Variants in MYO16 observed in about 807,000 individuals in gnomAD.
MYO16 encodes unconventional myosin-XVI.
A neutral mutation model predicts 205.3 loss-of-function variants in MYO16; 94 were observed. The ratio of observed to expected loss-of-function variants is 0.46; its 90% CI spans 0.39 to 0.54. MYO16 has a LOEUF of 0.54. MYO16 is among the 20% of genes least tolerant of loss of function. The probability of loss-of-function intolerance (pLI) is 0.00; values close to 1 mark genes in which losing one functional copy is unlikely to be tolerated. For missense variants in MYO16, 2,315 were observed against 2,387.5 expected (o/e 0.97, Z 0.63); for synonymous variants, 988 against 954.0 (o/e 1.04, Z -0.66).
At chr13:108,588,837 C>T in the MYO16 span, among the ~76,000 whole-genome samples, 3 of 152,258 alleles carry the variant, frequency 2.0e-5, no homozygotes, top group South Asian at 2.1e-4. Flanking sequence ...TGCCTAACCA[C>T]GATGGGCAGG....
intron 21 of MYO16, among the ~76,000 whole-genome samples, chr13:108,999,651 G>A (rs1302324802): frequency 6.6e-6 from 1 of 152,090 alleles, no homozygotes; most frequent in Non-Finnish European, 1.5e-5. Context: ...AGAATTTTGA[G>A]CATATAAACT....
At position 108,973,838 on chromosome 13, in the gene MYO16, G is replaced by C. The variant is rs140189308; in HGVS notation, c.2369+8936G>C. Among the ~76,000 whole-genome samples, 404 of 152,130 alleles carry C rather than the reference G, an allele frequency of 2.7e-3. 1 individual carries two copies. Among genetic ancestry groups the C allele is most frequent in the Non-Finnish European group, 4.6e-3 (316 of 68,004 alleles). On this transcript the variant is annotated intron_variant, in intron 20 of 34. Coordinates refer to ENST00000457511, the MANE Select transcript of MYO16 (RefSeq NM_001198950.3). ...CAATTTAATATTCTTCAGAAAAATT[G>C]TACTTCTTCATTAGGTGAGACTTGT...
chr13:109,010,883 C>T (rs979529070), intron 22 of MYO16, among the ~76,000 whole-genome samples: 5 of 149,880 alleles, frequency 3.3e-5, no homozygotes, highest in African/African-American at 1.2e-4. Flanking sequence ...CAGATGGAAC[C>T]AGTCCTTGGC....
intron 32 of MYO16, among the ~76,000 whole-genome samples, chr13:109,153,571 C>T (rs916414128): frequency 2.6e-5 from 4 of 152,052 alleles, no homozygotes; most frequent in South Asian, 4.2e-4. Context: ...TCAGCCTGGC[C>T]GACATGGTCA....
At chr13:108,538,427 T>C in the MYO16 span, among the ~76,000 whole-genome samples, 2 of 152,066 alleles carry the variant, frequency 1.3e-5, no homozygotes, top group Admixed American at 6.6e-5. Context: ...AGTGACTTCA[T>C]CAAGAGAAAT....
At chr13:108,988,250 G>A (rs1392348664) in intron 20 of MYO16, among the ~76,000 whole-genome samples, 1 of 152,252 alleles carries the variant, frequency 6.6e-6, no homozygotes, top group African/African-American at 2.4e-5. Flanking sequence ...TAGTATGGGC[G>A]TTTTGCTGGC....
At chr13:108,811,095 A>G (rs1397845067) in intron 7 of MYO16, among the ~76,000 whole-genome samples, 1 of 152,202 alleles carries the variant, frequency 6.6e-6, no homozygotes. Flanking sequence ...AGAATTGGCA[A>G]TACTACACCC....
chr13:108,714,621 T>G (rs74763571), intron 3 of MYO16, among the ~76,000 whole-genome samples: 2,844 of 140,908 alleles, frequency 0.02, 49 homozygotes, highest in East Asian at 0.065. Context: ...TGTATATATA[T>G]AGAGAGAGAG....
chr13:108,904,128 G>C (rs571755019), intron 15 of MYO16, among the ~76,000 whole-genome samples: 1 of 152,018 alleles, frequency 6.6e-6, no homozygotes, highest in Non-Finnish European at 1.5e-5. Flanking sequence ...AAAAATACCA[G>C]GCTCAGCTTT....
intron 2 of MYO16, among the ~76,000 whole-genome samples, chr13:108,685,935 G>T (rs564074534): frequency 6.6e-6 from 1 of 152,292 alleles, no homozygotes; most frequent in African/African-American, 2.4e-5. Flanking sequence ...TGACCTCAGT[G>T]AATTTTCATG....
In MYO16 at chr13:109,034,149, T is replaced by C. The variant is rs1282188799; in HGVS notation, c.2797-12767T>C. On this transcript the variant is annotated intron_variant, in intron 23 of 34. Transcript: ENST00000457511. ...CATACCTAGACAAAGTTAGAGTTGATAGATACAGACATATAAGTTAAGGCT... is the reference window on the plus strand; with the variant it reads ...CATACCTAGACAAAGTTAGAGTTGACAGATACAGACATATAAGTTAAGGCT... 2.0e-5 allele frequency among the ~76,000 whole-genome samples: 3 copies of C among 152,070 alleles called. No homozygotes were observed. In the East Asian group the frequency reaches 5.8e-4, roughly 29 times the overall value.
intron 16 of MYO16, among the ~76,000 whole-genome samples, chr13:108,914,417 T>C (rs1221783543): frequency 6.6e-6 from 1 of 152,066 alleles, no homozygotes; most frequent in African/African-American, 2.4e-5. Context: ...TATCCCACAG[T>C]GTAGCTTTTA....
At chr13:108,874,743 A>G (rs1357838242) in intron 12 of MYO16, among the ~76,000 whole-genome samples, 1 of 145,374 alleles carries the variant, frequency 6.9e-6, no homozygotes, top group African/African-American at 2.5e-5. Flanking sequence ...ATTATATGTG[A>G]TCTTTTGTAA....
chr13:108,952,118 TAAATAAA>T (rs1010551820), intron 16 of MYO16, among the ~76,000 whole-genome samples: 1 of 71,766 alleles, frequency 1.4e-5, no homozygotes, highest in African/African-American at 5.7e-5. Flanking sequence ...TCTCAATAAA[TAAATAAA>T]TAAATAAATA....
the MYO16 span, among the ~76,000 whole-genome samples, chr13:108,567,196 C>A: frequency 2.0e-5 from 3 of 151,352 alleles, no homozygotes; most frequent in African/African-American, 7.3e-5. Context: ...TCGGAGATAA[C>A]GAAGTAAATA....
intron 12 of MYO16, among the ~76,000 whole-genome samples, chr13:108,880,947 C>T (rs772057083): frequency 1.3e-5 from 2 of 152,042 alleles, no homozygotes; most frequent in Non-Finnish European, 2.9e-5. Flanking sequence ...TATAAATTAC[C>T]TTGGGCATGG....
chr13:108,749,496 G>C (rs1885163062), intron 4 of MYO16, among the ~76,000 whole-genome samples: 1 of 152,104 alleles, frequency 6.6e-6, no homozygotes, highest in Admixed American at 6.6e-5. Context: ...ATATACGATG[G>C]CAAATAAGCA....
At chr13:108,713,933 CATT>C (rs751068684) in intron 3 of MYO16, among the ~76,000 whole-genome samples, 1 of 152,164 alleles carries the variant, frequency 6.6e-6, no homozygotes, top group Non-Finnish European at 1.5e-5. Flanking sequence ...AGCCATGTCT[CATT>C]AGTCCCTAGA....
chr13:109,009,727 T>A (rs775545638), intron 22 of MYO16, among the ~76,000 whole-genome samples: 1 of 152,212 alleles, frequency 6.6e-6, no homozygotes, highest in Non-Finnish European at 1.5e-5. Flanking sequence ...GGAGAATATG[T>A]CATTCTTTAC....
Sources: gnomAD v4.1 joint callset for allele counts (sites outside exome capture counted in the v4.1 genomes callset) on GRCh38, gnomAD v4.1.1 for gene constraint, MANE v1.5 for transcripts, NCBI Gene and HGNC (gene_info 2026-07-23, HGNC 2026-07-21) for gene names.